RAD51B: variants seen among roughly 807,000 people sequenced by gnomAD.
RAD51B encodes RAD51 paralog B.
In RAD51B, 38 loss-of-function variants were observed where a neutral mutation model predicts 42.2. The ratio of observed to expected loss-of-function variants is 0.90; its 90% CI spans 0.70 to 1.18. The LOEUF is 1.18. Ranked by LOEUF, RAD51B falls within the 50% of genes most tolerant of loss-of-function variation. The pLI is 0.00. For missense variants in RAD51B, 373 were observed against 400.7 expected (o/e 0.93, Z 0.59); for synonymous variants, 154 against 145.2 (o/e 1.06, Z -0.43).
intron 10 of RAD51B, among the ~76,000 whole-genome samples, chr14:68,649,481 C>T (rs1252663979): frequency 1.3e-5 from 2 of 152,226 alleles, no homozygotes; most frequent in Non-Finnish European, 2.9e-5. Flanking sequence ...GACATCATGG[C>T]CCCACTCCAT....
At chr14:68,537,216 T>C (rs1887677831) in intron 10 of RAD51B, among the ~76,000 whole-genome samples, 1 of 148,746 alleles carries the variant, frequency 6.7e-6, no homozygotes, top group Non-Finnish European at 1.5e-5. Context: ...AAAGGAACCA[T>C]GGCCAGTCGC....
At chr14:68,158,268 T>C (rs1399787495) in intron 7 of RAD51B, among the ~76,000 whole-genome samples, 1 of 152,192 alleles carries the variant, frequency 6.6e-6, no homozygotes, top group East Asian at 1.9e-4. Flanking sequence ...CTCTGTAACT[T>C]AGTTGGAAGT....
At chr14:68,443,665 A>G (rs374202555) in intron 9 of RAD51B, among the ~76,000 whole-genome samples, 2 of 152,094 alleles carry the variant, frequency 1.3e-5, no homozygotes, top group African/African-American at 4.8e-5. Flanking sequence ...AAACCAAGAC[A>G]TGGGGTTGGT....
intron 5 of RAD51B, among the ~76,000 whole-genome samples, chr14:67,866,762 T>C (rs968680047): frequency 1.3e-5 from 2 of 152,228 alleles, no homozygotes. Flanking sequence ...ATGTTTTTTG[T>C]CTTTGCATAG....
chr14:68,494,941 C>G (rs1178213657), intron 10 of RAD51B, among the ~76,000 whole-genome samples: 1 of 152,164 alleles, frequency 6.6e-6, no homozygotes, highest in Non-Finnish European at 1.5e-5. Context: ...CTCCACAGCG[C>G]ATCAGTTCTG....
Position 68,291,894 on chromosome 14 carries a change from C to T in RAD51B, c.767C>T (p.Thr256Met), listed in dbSNP as rs373104809. 1.2e-5 allele frequency: 19 copies of T among 1,612,996 alleles called. No individual in the cohort carries two copies. Among genetic ancestry groups the T allele is most frequent in the East Asian group, 2.2e-5 (1 of 44,860 alleles). Residue 256 changes from threonine to methionine, a missense_variant, in exon 8 of 11, where the codon ACG becomes ATG. Thr to Met is a moderately conservative substitution (Grantham distance 81). Coordinates refer to ENST00000471583, the MANE Select transcript of RAD51B (RefSeq NM_133510.4). ...AEEFSIPVIL[T>M]NQITTHLSGA... ...CCTGTCTGTTCACAGGTTATCTTGA[C>T]GAATCAGATTACAACCCATCTGAGT...
chr14:67,849,987 AGGTGTTG>A (rs1371555538), intron 4 of RAD51B, among the ~76,000 whole-genome samples: 1 of 152,098 alleles, frequency 6.6e-6, no homozygotes, highest in Non-Finnish European at 1.5e-5. Context: ...TCTCATTTGT[AGGTGTTG>A]GCACTTCTAA....
At chr14:67,926,301 T>G (rs1204616300) in intron 7 of RAD51B, among the ~76,000 whole-genome samples, 1 of 152,166 alleles carries the variant, frequency 6.6e-6, no homozygotes, top group Non-Finnish European at 1.5e-5. Context: ...TTACACCAGA[T>G]ACCCAAAATC....
chr14:67,825,387 C>T, intron 2 of RAD51B, 77 bp from the exon 3 acceptor site: 1 of 916,010 alleles, frequency 1.1e-6, no homozygotes, highest in Non-Finnish European at 1.7e-6. Context: ...TAAGCAGTAT[C>T]AATTGAAGGT....
At position 68,239,301 on chromosome 14, in the gene RAD51B, C is replaced by T. The variant is rs1368292058; in HGVS notation, c.757-52583C>T. ...TCTCAAGGTGTCACCAATACCAGCA[C>T]AGCCACTCTTGATGGTATTGAGTTT... On this transcript the variant is annotated intron_variant, in intron 7 of 10. Transcript: ENST00000471583. 3.3e-5 allele frequency among the ~76,000 whole-genome samples: 5 copies of T among 152,178 alleles called. No homozygotes were observed. The East Asian group carries it at 9.6e-4, about 29-fold the overall frequency.
At chr14:67,980,599 T>C (rs2075074293) in intron 7 of RAD51B, among the ~76,000 whole-genome samples, 1 of 152,136 alleles carries the variant, frequency 6.6e-6, no homozygotes, top group African/African-American at 2.4e-5. Flanking sequence ...CTTATGTACA[T>C]GGGCAACTAA....
chr14:68,519,657 A>C (rs1234483157), intron 10 of RAD51B, among the ~76,000 whole-genome samples: 1 of 152,230 alleles, frequency 6.6e-6, no homozygotes, highest in African/African-American at 2.4e-5. Context: ...AGACAGCATG[A>C]GCAAATGCCC....
intron 10 of RAD51B, among the ~76,000 whole-genome samples, chr14:68,605,228 G>T (rs551371182): frequency 6.6e-6 from 1 of 150,746 alleles, no homozygotes; most frequent in African/African-American, 2.5e-5. Context: ...CACTGAGGGA[G>T]AGCCTGTGTT....
At chr14:67,914,380 C>G (rs1355674289) in intron 7 of RAD51B, among the ~76,000 whole-genome samples, 2 of 152,134 alleles carry the variant, frequency 1.3e-5, no homozygotes, top group African/African-American at 4.8e-5. Context: ...ACCTTCAGTT[C>G]CATCCATGTT....
chr14:68,618,642 T>C (rs999707873), intron 10 of RAD51B, among the ~76,000 whole-genome samples: 2 of 152,212 alleles, frequency 1.3e-5, no homozygotes, highest in African/African-American at 4.8e-5. Context: ...ACAGGGTTGT[T>C]GATGCTGCCT....
intron 10 of RAD51B, among the ~76,000 whole-genome samples, chr14:68,630,741 T>C (rs1004266966): frequency 2.6e-5 from 4 of 152,146 alleles, no homozygotes; most frequent in Admixed American, 1.3e-4. Context: ...ATGTTCTACA[T>C]TGACCCATAC....
chr14:68,138,242 G>A (rs1387660878), intron 7 of RAD51B, among the ~76,000 whole-genome samples: 1 of 152,150 alleles, frequency 6.6e-6, no homozygotes. Flanking sequence ...GAAAGATGAA[G>A]TCTGCATTAA....
Position 68,655,415 on chromosome 14 carries a change from G to T in RAD51B, c.*11+4559G>T, listed in dbSNP as rs573504191. Among the ~76,000 whole-genome samples, 6 of 152,258 alleles carry T rather than the reference G, an allele frequency of 3.9e-5. No individual in the cohort carries two copies. The South Asian group carries it at 8.3e-4, about 21-fold the overall frequency. On this transcript the variant is annotated intron_variant, in intron 11 of 11. Transcript: ENST00000488612. ...GGAGGGGCTCAAATAGACGGGGTGT[G>T]GGGGAAGCGAGCTACTTCTTTCTTT...
At chr14:68,373,423 A>G (rs1260380907) in intron 8 of RAD51B, among the ~76,000 whole-genome samples, 4 of 152,210 alleles carry the variant, frequency 2.6e-5, no homozygotes, top group Non-Finnish European at 5.9e-5. Flanking sequence ...CATATACACT[A>G]TGGAGTACTA....
Sources: gnomAD v4.1 joint callset for allele counts (sites outside exome capture counted in the v4.1 genomes callset) on GRCh38, gnomAD v4.1.1 for gene constraint, MANE v1.5 for transcripts, NCBI Gene and HGNC (gene_info 2026-07-23, HGNC 2026-07-21) for gene names.